The following DEPDC5 variants were observed in gnomAD, a reference collection of about 807,000 sequenced individuals.
DEPDC5 encodes DEP domain containing 5, GATOR1 subcomplex subunit.
In DEPDC5, 73 loss-of-function variants were observed where a neutral mutation model predicts 217.3. The observed-to-expected ratio is 0.34, with a 90% CI of 0.28 to 0.41. The LOEUF is 0.41. Ranked by LOEUF, DEPDC5 falls within the 10% of genes least tolerant of loss-of-function variation. DEPDC5 has a pLI of 1.00. For missense variants in DEPDC5, 1,675 were observed against 2,070.1 expected (o/e 0.81, Z 3.70); for synonymous variants, 733 against 756.7 (o/e 0.97, Z 0.51).
chr22:31,814,798 T>C, intron 20 of DEPDC5, 194 bp from the exon 21 acceptor site: 3 of 605,420 alleles, frequency 5.0e-6, no homozygotes, highest in Non-Finnish European at 2.9e-6. Context: ...TGTCTGTCAT[T>C]TCCCCCCTCT....
chr22:31,833,870 G>A, intron 24 of DEPDC5, 45 bp from the exon 25 acceptor site: 4 of 1,456,102 alleles, frequency 2.7e-6, no homozygotes, highest in Non-Finnish European at 3.7e-6. Context: ...GAACTCTTTT[G>A]CAGAGTGAGC....
At chr22:31,755,346 A>G (rs920805200) in intron 2 of DEPDC5, 7 of 300,540 alleles carry the variant, frequency 2.3e-5, no homozygotes, top group African/African-American at 1.5e-4. Context: ...AGTGGCATAG[A>G]TGTGCATAGA....
chr22:31,767,384 C>T (rs1291826048), intron 6 of DEPDC5, among the ~76,000 whole-genome samples: 2 of 152,090 alleles, frequency 1.3e-5, no homozygotes, highest in Non-Finnish European at 2.9e-5. Flanking sequence ...CAACCTCGGC[C>T]TTCCTGGTTC....
intron 15 of DEPDC5, among the ~76,000 whole-genome samples, 189 bp downstream of exon 15, chr22:31,803,027 G>A (rs1486720634): frequency 1.3e-5 from 2 of 152,088 alleles, no homozygotes; most frequent in East Asian, 1.9e-4. Context: ...GGAAATGCTG[G>A]GTCATGCAAA....
chr22:31,906,101 C>T lies in DEPDC5; in HGVS notation c.4519+35C>T. 1 of 1,613,702 alleles carries T rather than the reference C, an allele frequency of 6.2e-7. No homozygotes were observed. Among genetic ancestry groups the T allele is most frequent in the Non-Finnish European group, 8.5e-7 (1 of 1,179,744 alleles). Reference sequence around the variant, plus strand: ...TACGGGCAGAGTTGGGCAGGTGGGTCCACATCCCTTTCCTTGCACCAAGCC... The same window carrying T: ...TACGGGCAGAGTTGGGCAGGTGGGTTCACATCCCTTTCCTTGCACCAAGCC... On this transcript the variant is annotated intron_variant, in intron 42 of 42. Coordinates refer to ENST00000651528, the MANE Select transcript of DEPDC5 (RefSeq NM_001242896.3). The surrounding 1 kb of genome is among the most constrained non-coding windows in gnomAD (Gnocchi z 5.1).
intron 37 of DEPDC5, among the ~76,000 whole-genome samples, chr22:31,877,134 C>T (rs2093015515): frequency 1.3e-5 from 2 of 151,700 alleles, no homozygotes; most frequent in African/African-American, 4.8e-5. Flanking sequence ...CAGTGAAACT[C>T]CGTCTCAAAA....
Position 31,870,716 on chromosome 22 carries a change from T to A in DEPDC5, c.3457T>A (p.Tyr1153Asn). 1.3e-6 allele frequency: 2 copies of A among 1,587,488 alleles called. No individual in the cohort carries two copies. The highest frequency in any genetic ancestry group is 1.7e-6 in the Non-Finnish European group (2 of 1,169,160). The change falls in exon 34 of 43, where the codon TAC (tyrosine) becomes AAC (asparagine). Residue 1153 changes from tyrosine to asparagine, a missense_variant. Coordinates refer to ENST00000651528, the MANE Select transcript of DEPDC5 (RefSeq NM_001242896.3). ...CTCCCAGAACATAGGAGAACAGGGC[T>A]ACTCCTCCACAAACTCCAGTGACAG... ...GNSQNIGEQG[Y>N]SSTNSSDSSS...
At chr22:31,806,282 C>T in intron 18 of DEPDC5, 91 bp downstream of exon 18, 1 of 1,149,920 alleles carries the variant, frequency 8.7e-7, no homozygotes, top group Non-Finnish European at 1.3e-6. Flanking sequence ...CTGTTTCAGC[C>T]TCCCAAAGTG....
chr22:31,775,103 T>C (rs1240601741), intron 7 of DEPDC5, among the ~76,000 whole-genome samples: 1 of 152,144 alleles, frequency 6.6e-6, no homozygotes, highest in Non-Finnish European at 1.5e-5. Context: ...TGATTGATTG[T>C]CCAGCATTTC....
At chr22:31,784,231 G>T (rs1483531462) in intron 9 of DEPDC5, 5 of 303,016 alleles carry the variant, frequency 1.7e-5, no homozygotes, top group Admixed American at 1.0e-4. Flanking sequence ...TAGTGAGGCA[G>T]ATATTAAATT....
chr22:31,872,944 G>A (rs549951901), intron 34 of DEPDC5, among the ~76,000 whole-genome samples: 31 of 151,890 alleles, frequency 2.0e-4, no homozygotes, highest in East Asian at 1.9e-4. Flanking sequence ...TAGTAGAGAC[G>A]GGATTTCACT....
chr22:31,888,291 C>G (rs1484145897), intron 38 of DEPDC5, among the ~76,000 whole-genome samples: 2 of 145,136 alleles, frequency 1.4e-5, no homozygotes, highest in South Asian at 2.2e-4. Context: ...GCTTTGTCGC[C>G]CAGGCTGGAG....
At chr22:31,805,765 T>C (rs1171336542) in intron 17 of DEPDC5, among the ~76,000 whole-genome samples, 1 of 152,176 alleles carries the variant, frequency 6.6e-6, no homozygotes, top group East Asian at 1.9e-4. Flanking sequence ...GTTTATACTA[T>C]TTGATATCAT....
chr22:31,822,622 G>A (rs1041474733), intron 23 of DEPDC5, 71 bp from the exon 24 acceptor site: 3 of 1,486,298 alleles, frequency 2.0e-6, no homozygotes, highest in Non-Finnish European at 2.8e-6. Flanking sequence ...CCCACCCCCG[G>A]GATATAGGTG....
intron 33 of DEPDC5, among the ~76,000 whole-genome samples, chr22:31,867,385 G>C (rs2092717093): frequency 6.6e-6 from 1 of 152,224 alleles, no homozygotes; most frequent in African/African-American, 2.4e-5. Flanking sequence ...CCAAAGAAAA[G>C]TGGGAAACCT....
intron 32 of DEPDC5, 123 bp from the exon 33 acceptor site, chr22:31,861,245 T>A (rs1223274260): frequency 1.3e-6 from 1 of 748,408 alleles, no homozygotes; most frequent in East Asian, 2.8e-5. Flanking sequence ...CCCTCCTTGT[T>A]TTTATTTTTA....
intron 6 of DEPDC5, among the ~76,000 whole-genome samples, chr22:31,767,906 C>T (rs998912243): frequency 4.6e-5 from 7 of 151,628 alleles, no homozygotes; most frequent in Non-Finnish European, 8.8e-5. Flanking sequence ...CCACCACACC[C>T]GGCTAATTTT....
At chr22:31,870,810 A>G (rs2149232322) in intron 34 of DEPDC5, 66 bp downstream of exon 34, 1 of 1,425,096 alleles carries the variant, frequency 7.0e-7, no homozygotes, top group Admixed American at 2.8e-5. Flanking sequence ...CAAAGGCTGC[A>G]GAGGCTGAAG....
intron 21 of DEPDC5, chr22:31,815,657 C>T (rs1602105226): frequency 1.0e-5 from 6 of 576,386 alleles, no homozygotes; most frequent in Middle Eastern, 4.6e-4. Context: ...CTTCTGCCTC[C>T]CAAGTAACTG....
Sources: allele counts gnomAD v4.1 joint callset (sites outside exome capture counted in the v4.1 genomes callset), GRCh38; gene constraint gnomAD v4.1.1; non-coding constraint Gnocchi (gnomAD v3.1); transcripts MANE v1.5; gene names NCBI Gene and HGNC (gene_info 2026-07-23, HGNC 2026-07-21).